The following SERPINB8 variants were observed in gnomAD, a reference collection of about 807,000 sequenced individuals.
SERPINB8 encodes serpin family B member 8.
SERPINB8 carries 25 observed loss-of-function variants against 35.3 expected under a neutral mutation model. That is an observed-to-expected ratio of 0.71 (90% CI 0.52 to 0.99). The LOEUF (loss-of-function observed/expected upper bound fraction) is 0.99, where lower values mean the gene tolerates loss of function less well. Among genes scored for constraint, SERPINB8 ranks in the 50% least tolerant of loss-of-function variants. The pLI is 0.00. For synonymous variants in SERPINB8, 186 were observed against 160.8 expected (o/e 1.16, Z -1.19); for missense variants, 484 against 446.5 (o/e 1.08, Z -0.76).
chr18:63,981,621 A>G, intron 3 of SERPINB8, 100 bp from the exon 4 acceptor site: 2 of 803,312 alleles, frequency 2.5e-6, no homozygotes, highest in Non-Finnish European at 2.1e-6. Context: ...TGACCTGTCC[A>G]AGCACTTATT....
chr18:63,985,391 G>A (rs2050738364), intron 6 of SERPINB8, 146 bp downstream of exon 6: 5 of 849,680 alleles, frequency 5.9e-6, no homozygotes, highest in Non-Finnish European at 7.1e-6. Context: ...GTCTTTTGAT[G>A]AACATGTTCA....
intron 6 of SERPINB8, 121 bp downstream of exon 6, chr18:63,985,366 T>C (rs2050737918): frequency 1.0e-6 from 1 of 1,002,344 alleles, no homozygotes; most frequent in Non-Finnish European, 1.4e-6. Flanking sequence ...CAGTGCTGGG[T>C]GAACATCATT....
intron 7 of SERPINB8, among the ~76,000 whole-genome samples, chr18:64,016,197 A>G (rs1267707374): frequency 6.6e-6 from 1 of 152,190 alleles, no homozygotes; most frequent in African/African-American, 2.4e-5. Flanking sequence ...CAAGTCCTTC[A>G]TCTGGGAAAG....
Position 63,985,098 on chromosome 18 carries a change from A to G in SERPINB8, c.573A>G (p.Lys191=), listed in dbSNP as rs79915919. The G allele has an allele frequency of 5.0e-6, 8 of 1,613,338 alleles. No homozygotes were observed. The African/African-American group carries it at 5.3e-5, about 11-fold the overall frequency. ...RGMLFKTNEE[K]KTVQMMFKEA... is the part of the protein sequence containing the mutation. ...AACTTTAATTTTTCCGTTAGGAAAA[A>G]AAGACAGTGCAGATGATGTTTAAGG... The change falls in exon 6 of 7, where the codon AAA becomes AAG. Residue 191 remains lysine (K), a synonymous_variant. Coordinates refer to ENST00000397985, the MANE Select transcript of SERPINB8 (RefSeq NM_002640.4).
chr18:63,986,288 C>G, intron 6 of SERPINB8: 2 of 1,610,030 alleles, frequency 1.2e-6, no homozygotes, highest in African/African-American at 1.3e-5. Context: ...GAATTTGAAG[C>G]TAACTCCAGG....
At chr18:64,013,962 T>G (rs893647200) in intron 7 of SERPINB8, among the ~76,000 whole-genome samples, 3 of 152,210 alleles carry the variant, frequency 2.0e-5, no homozygotes, top group Non-Finnish European at 2.9e-5. Flanking sequence ...GGAAAAAGAC[T>G]TATATTCATA....
chr18:63,981,402 TAA>T (rs1462463824), intron 3 of SERPINB8, among the ~76,000 whole-genome samples: 1 of 152,192 alleles, frequency 6.6e-6, no homozygotes, highest in Non-Finnish European at 1.5e-5. Flanking sequence ...GAAGCAATAT[TAA>T]AGTCAGTGGA....
rs117372683 is a variant in SERPINB8 at position 63,974,668 on chromosome 18, A to C, written c.-10-3631A>C. On this transcript the variant is annotated intron_variant, in intron 1 of 6. Coordinates refer to ENST00000397985, the MANE Select transcript of SERPINB8 (RefSeq NM_002640.4). The stretch of plus-strand genomic sequence containing the variant: ...ACCTAAAGTATTATTTTGTATTAAA[A>C]TTAATTGCTTTTTAGAAATATTGGG... Among the ~76,000 whole-genome samples, 831 of 152,312 alleles carry C rather than the reference A, an allele frequency of 5.5e-3. 3 individuals carry two copies. Among genetic ancestry groups the C allele is most frequent in the Non-Finnish European group, 8.6e-3 (584 of 68,040 alleles).
downstream of SERPINB8, among the ~76,000 whole-genome samples, chr18:63,992,137 T>G (rs2050827810): frequency 2.0e-5 from 3 of 152,216 alleles, no homozygotes. Context: ...TTTAGGTAAT[T>G]CTGGTCTCAA....
chr18:63,998,305 T>G (rs1236120945), intron 1 of SERPINB8, among the ~76,000 whole-genome samples: 1 of 152,208 alleles, frequency 6.6e-6, no homozygotes, highest in Non-Finnish European at 1.5e-5. Flanking sequence ...CAAAACCATA[T>G]TTGTTTATTT....
downstream of SERPINB8, among the ~76,000 whole-genome samples, chr18:64,009,135 C>T (rs2050914377): frequency 2.6e-5 from 4 of 151,994 alleles, no homozygotes; most frequent in Admixed American, 2.6e-4. Flanking sequence ...TGATAATTAA[C>T]AAAAAATAAG....
exon 2 of SERPINB8, chr18:64,005,467 C>T (rs1206989558): frequency 6.6e-6 from 1 of 152,086 alleles, no homozygotes; most frequent in Admixed American, 6.5e-5. Flanking sequence ...AAAAAGCCCT[C>T]ATAAATGGGA....
rs2050641907 is a variant in SERPINB8 at position 63,979,816 on chromosome 18, A to G, written c.184A>G (p.Lys62Glu). ...AQMSQALCLY[K>E]DGDIHRGFQS... ...CTGTTCCCAGGCACTTTGTTTATAC[A>G]AAGACGGAGATATTCACCGAGGTTT... Residue 62 changes from lysine (K) to glutamate (E), a missense_variant, in exon 3 of 7, where the codon AAA becomes GAA. Coordinates refer to ENST00000397985, the MANE Select transcript of SERPINB8 (RefSeq NM_002640.4). 1 of 1,614,158 alleles carries G rather than the reference A, an allele frequency of 6.2e-7. No homozygotes were observed. The highest frequency in any genetic ancestry group is 8.5e-7 in the Non-Finnish European group (1 of 1,180,006).
rs984201226 is a variant in SERPINB8, at chr18:63,985,030, T to C, written c.568-63T>C. The C allele has an allele frequency of 1.1e-5, 17 of 1,539,742 alleles. No individual in the cohort carries two copies. In the African/African-American group the frequency reaches 2.2e-4, roughly 20 times the overall value. ...ACACCTAGAGTTTCTGTGAGTTAGA[T>C]ATATCCTATTTTTAGTAAATTATAC... On this transcript the variant is annotated intron_variant, in intron 5 of 6. Transcript: ENST00000397985.
chr18:64,002,067 G>T (rs942556965), intron 1 of SERPINB8, among the ~76,000 whole-genome samples: 11 of 152,112 alleles, frequency 7.2e-5, no homozygotes, highest in Non-Finnish European at 1.5e-4. Flanking sequence ...GACATCACGG[G>T]CTGCTGAGTC....
chr18:64,017,693 C>G (rs1005808958), intron 7 of SERPINB8, among the ~76,000 whole-genome samples: 2 of 152,162 alleles, frequency 1.3e-5, no homozygotes. Flanking sequence ...AAGATTTGAA[C>G]TCACTGGATT....
chr18:63,995,437 T>C (rs756361645), intron 1 of SERPINB8, among the ~76,000 whole-genome samples: 38 of 152,194 alleles, frequency 2.5e-4, no homozygotes, highest in Non-Finnish European at 3.4e-4. Context: ...CAGATAATGT[T>C]CTCTGGTTTA....
Position 63,986,865 on chromosome 18 carries a change from T to G in SERPINB8, c.721-9T>G. 6.3e-7 allele frequency: 1 copy of G among 1,595,944 alleles called. No individual in the cohort carries two copies. Among genetic ancestry groups the G allele is most frequent in the Non-Finnish European group, 8.5e-7 (1 of 1,172,948 alleles). The stretch of plus-strand genomic sequence containing the variant: ...CTAAATTTTAAGGTTTGAGTCTTTC[T>G]TATCCTAGGTGGAAAAAGCACTTAC... On this transcript the variant is annotated splice_polypyrimidine_tract_variant and intron_variant, in intron 6 of 6. Transcript: ENST00000397985.
chr18:63,971,991 C>CT (rs1415066212), intron 1 of SERPINB8, among the ~76,000 whole-genome samples: 2 of 141,856 alleles, frequency 1.4e-5, no homozygotes, highest in Admixed American at 7.0e-5. Context: ...CCCGGCTTTT[C>CT]TTTTTTCTTT....
Sources: allele counts gnomAD v4.1 joint callset (sites outside exome capture counted in the v4.1 genomes callset), GRCh38; gene constraint gnomAD v4.1.1; transcripts MANE v1.5; gene names NCBI Gene and HGNC (gene_info 2026-07-23, HGNC 2026-07-21).